The following MIPEP variants were observed in gnomAD, a reference collection of about 807,000 sequenced individuals.
MIPEP encodes the protein mitochondrial intermediate peptidase.
Under a neutral mutation model 90.3 loss-of-function variants are expected in MIPEP, and 79 were observed. The ratio of observed to expected loss-of-function variants is 0.87; its 90% CI spans 0.73 to 1.05. The LOEUF (loss-of-function observed/expected upper bound fraction) is 1.05, where lower values mean the gene tolerates loss of function less well. Among genes scored for constraint, MIPEP ranks in the 50% least tolerant of loss-of-function variants. The pLI, the probability that MIPEP is intolerant of heterozygous loss-of-function variation, is 0.00. For missense variants in MIPEP, 940 were observed against 905.6 expected (o/e 1.04, Z -0.49); for synonymous variants, 334 against 315.8 (o/e 1.06, Z -0.61).
At chr13:23,849,408 T>C (rs1309798973) in intron 10 of MIPEP, among the ~76,000 whole-genome samples, 1 of 152,230 alleles carries the variant, frequency 6.6e-6, no homozygotes, top group African/African-American at 2.4e-5. Flanking sequence ...ATTTTATGAC[T>C]ATTTTTTGTA....
At chr13:23,816,036 T>C (rs540484810) in intron 14 of MIPEP, among the ~76,000 whole-genome samples, 5 of 152,334 alleles carry the variant, frequency 3.3e-5, no homozygotes, top group African/African-American at 9.6e-5. Flanking sequence ...AATTATTACT[T>C]CTGTTTGTAA....
intron 11 of MIPEP, among the ~76,000 whole-genome samples, chr13:23,840,132 C>T: frequency 6.6e-6 from 1 of 152,138 alleles, no homozygotes. Context: ...TTGAAAACAC[C>T]ACAATGCAGC....
At chr13:23,851,601 G>A (rs756544467) in intron 10 of MIPEP, among the ~76,000 whole-genome samples, 1 of 152,068 alleles carries the variant, frequency 6.6e-6, no homozygotes, top group African/African-American at 2.4e-5. Context: ...AACCCTCATC[G>A]CAGACTGCAG....
intron 14 of MIPEP, among the ~76,000 whole-genome samples, chr13:23,831,383 C>CCGGGGT (rs58008469): frequency 2.4e-5 from 1 of 40,856 alleles, no homozygotes; most frequent in East Asian, 4.7e-4. Flanking sequence ...TTCCCCATGG[C>CCGGGGT]GGGGGGGGGA....
intron 14 of MIPEP, among the ~76,000 whole-genome samples, chr13:23,831,383 C>CGGGGGGAGGGG (rs1555237541): frequency 4.9e-5 from 2 of 40,852 alleles, no homozygotes; most frequent in Admixed American, 2.4e-4. Context: ...TTCCCCATGG[C>CGGGGGGAGGGG]GGGGGGGGGA....
chr13:23,747,847 T>A (rs1043054200), intron 18 of MIPEP, among the ~76,000 whole-genome samples: 1 of 152,164 alleles, frequency 6.6e-6, no homozygotes, highest in Non-Finnish European at 1.5e-5. Context: ...TTCAAGTGAT[T>A]CTCCTGCCTC....
In MIPEP at chr13:23,839,725, G is replaced by A. The variant is rs1869213161; in HGVS notation, c.1262C>T (p.Ala421Val). Residue 421 changes from alanine to valine, a missense_variant and splice_region_variant, in exon 12 of 19, where the codon GCT becomes GTT. Coordinates refer to ENST00000382172, the MANE Select transcript of MIPEP (RefSeq NM_005932.4). ...EVWSEDVRKLAVVHESEGLLG... is the reference protein window; with the variant it reads ...EVWSEDVRKLVVVHESEGLLG... ...CAATCCTTCAGATTCATGAACAACA[G>A]CCTAGAAAAAAAAATTTAAATTTGG... 6.2e-7 allele frequency: 1 copy of A among 1,604,802 alleles called. No individual in the cohort carries two copies. The highest frequency in any genetic ancestry group is 1.7e-4 in the Middle Eastern group (1 of 6,008).
chr13:23,752,222 C>T (rs1952449344), intron 18 of MIPEP, among the ~76,000 whole-genome samples: 1 of 152,126 alleles, frequency 6.6e-6, no homozygotes, highest in Admixed American at 6.5e-5. Context: ...TAACATAAAA[C>T]ACAAAAAGAC....
intron 16 of MIPEP, among the ~76,000 whole-genome samples, chr13:23,784,308 G>T (rs1160383441): frequency 6.6e-6 from 1 of 152,140 alleles, no homozygotes; most frequent in Non-Finnish European, 1.5e-5. Flanking sequence ...CAATGGAACA[G>T]AACAGAGCCC....
chr13:23,778,990 C>T (rs61946409), intron 16 of MIPEP, among the ~76,000 whole-genome samples: 58 of 152,208 alleles, frequency 3.8e-4, no homozygotes, highest in Non-Finnish European at 6.9e-4. Context: ...CAGCTTTGTA[C>T]AACCTGTTTC....
intron 18 of MIPEP, among the ~76,000 whole-genome samples, chr13:23,733,503 C>A (rs1191994180): frequency 6.6e-6 from 1 of 152,018 alleles, no homozygotes; most frequent in East Asian, 1.9e-4. Context: ...GAGACACAAC[C>A]CTTGTCAAGT....
At chr13:23,874,113 T>C (rs1213027506) in intron 5 of MIPEP, among the ~76,000 whole-genome samples, 7 of 152,230 alleles carry the variant, frequency 4.6e-5, no homozygotes, top group Non-Finnish European at 5.9e-5. Context: ...AAAAATGTAT[T>C]ACTGTTTAAA....
chr13:23,848,326 TC>T (rs1419953076), intron 10 of MIPEP, among the ~76,000 whole-genome samples: 4 of 152,176 alleles, frequency 2.6e-5, no homozygotes, highest in Admixed American at 6.5e-5. Context: ...CTTCTTCTAC[TC>T]CTATTCCAGT....
At chr13:23,765,730 T>C (rs1417469046) in intron 16 of MIPEP, among the ~76,000 whole-genome samples, 1 of 152,214 alleles carries the variant, frequency 6.6e-6, no homozygotes, top group African/African-American at 2.4e-5. Flanking sequence ...GATGGACAGA[T>C]GGACACCATG....
intron 9 of MIPEP, among the ~76,000 whole-genome samples, chr13:23,860,136 G>A (rs890211291): frequency 3.3e-5 from 5 of 152,236 alleles, no homozygotes; most frequent in African/African-American, 1.2e-4. Flanking sequence ...TCAACAATCA[G>A]AGGACAGTAT....
At chr13:23,842,892 G>C (rs1869362830) in intron 10 of MIPEP, among the ~76,000 whole-genome samples, 1 of 152,196 alleles carries the variant, frequency 6.6e-6, no homozygotes, top group African/African-American at 2.4e-5. Flanking sequence ...GAGGTCAGGA[G>C]TTCAAGACCA....
At chr13:23,825,767 G>T (rs1395754786) in intron 14 of MIPEP, among the ~76,000 whole-genome samples, 6 of 152,304 alleles carry the variant, frequency 3.9e-5, no homozygotes, top group African/African-American at 1.2e-4. Flanking sequence ...TGAGTCTAAG[G>T]TAGCCAGGGT....
intron 18 of MIPEP, among the ~76,000 whole-genome samples, chr13:23,746,542 G>A (rs1952385677): frequency 6.7e-6 from 1 of 149,636 alleles, no homozygotes; most frequent in Non-Finnish European, 1.5e-5. Flanking sequence ...GCTGAGGCAT[G>A]AGAATCACTT....
Position 23,743,568 on chromosome 13 carries a change from T to G in MIPEP, c.2044+12977A>C, listed in dbSNP as rs180970599. Among the ~76,000 whole-genome samples, 4 of 152,384 alleles carry G rather than the reference T, an allele frequency of 2.6e-5. No individual in the cohort carries two copies. In the East Asian group the frequency reaches 7.7e-4, roughly 29 times the overall value. On this transcript the variant is annotated intron_variant, in intron 18 of 18. Coordinates refer to ENST00000382172, the MANE Select transcript of MIPEP (RefSeq NM_005932.4). ...GTCGGCATTCACATATGAGGCTCTC[T>G]CTGTCTCTCTAGAATTATTAACTGA...
Sources: allele counts gnomAD v4.1 joint callset (sites outside exome capture counted in the v4.1 genomes callset), GRCh38; gene constraint gnomAD v4.1.1; transcripts MANE v1.5; gene names NCBI Gene and HGNC (gene_info 2026-07-23, HGNC 2026-07-21).